The following SPATS2L variants were observed in gnomAD, a reference collection of about 807,000 sequenced individuals.
SPATS2L encodes the protein SPATS2-like protein.
Under a neutral mutation model 59.6 loss-of-function variants are expected in SPATS2L, and 30 were observed. The observed-to-expected ratio is 0.50, with a 90% CI of 0.38 to 0.68. SPATS2L has a LOEUF of 0.68. Among genes scored for constraint, SPATS2L ranks in the 30% least tolerant of loss-of-function variants. SPATS2L has a pLI of 0.00. For missense variants in SPATS2L, 615 were observed against 700.0 expected, an observed-to-expected ratio of 0.88 and a Z score of 1.37; for synonymous variants, 252 against 263.5, an observed-to-expected ratio of 0.96 and a Z score of 0.42.
chr2:200,368,792 G>C (rs2081337732), intron 2 of SPATS2L, among the ~76,000 whole-genome samples: 1 of 152,146 alleles, frequency 6.6e-6, no homozygotes. Context: ...GAGATGAGAA[G>C]CCCATCTCTA....
intron 2 of SPATS2L, among the ~76,000 whole-genome samples, chr2:200,347,615 T>G (rs895102258): frequency 1.3e-5 from 2 of 152,176 alleles, no homozygotes; most frequent in Non-Finnish European, 2.9e-5. Context: ...CCTGGTCATA[T>G]AACAACCCCA....
At chr2:200,405,191 C>T (rs183061660) in intron 3 of SPATS2L, among the ~76,000 whole-genome samples, 13 of 152,252 alleles carry the variant, frequency 8.5e-5, no homozygotes, top group Admixed American at 2.6e-4. Flanking sequence ...CAGGACCCAC[C>T]CCAAGCCTCT....
Position 200,306,786 on chromosome 2 carries a change from G to A in SPATS2L, c.-209G>A, listed in dbSNP as rs959953472. On this transcript the variant is annotated 5_prime_UTR_variant, in exon 1 of 13. Transcript: ENST00000409140. The stretch of plus-strand genomic sequence containing the variant: ...GCGCGGGGCGAGCTCCGGACGGCGC[G>A]CGGCCCAGGCAGCGGCTCCCGCTCG... 3.0e-5 allele frequency: 29 copies of A among 981,294 alleles called. No homozygotes were observed. Among genetic ancestry groups the A allele is most frequent in the Non-Finnish European group, 3.5e-5 (29 of 828,134 alleles). The allele number at this position is 981,294 out of a possible 1,614,324, so 60.8% of individuals were successfully genotyped here.
At chr2:200,311,019 G>A (rs764505823) in intron 1 of SPATS2L, among the ~76,000 whole-genome samples, 1 of 152,190 alleles carries the variant, frequency 6.6e-6, no homozygotes, top group African/African-American at 2.4e-5. Flanking sequence ...AGGCACTGAT[G>A]TGCCTTTTAT....
At chr2:200,475,465 G>A (rs1313531868) in intron 12 of SPATS2L, among the ~76,000 whole-genome samples, 1 of 152,184 alleles carries the variant, frequency 6.6e-6, no homozygotes, top group Non-Finnish European at 1.5e-5. Context: ...AACTGGGAGC[G>A]AGGAGGGGGC....
chr2:200,400,517 A>C (rs2082492381), intron 3 of SPATS2L, among the ~76,000 whole-genome samples: 2 of 152,240 alleles, frequency 1.3e-5, no homozygotes, highest in African/African-American at 4.8e-5. Flanking sequence ...TATATATTTA[A>C]ACTTCCCAGT....
rs11324274 is a variant in SPATS2L at position 200,412,605 on chromosome 2, C to CAAA, written c.148+201_148+203dup. Among the ~76,000 whole-genome samples the CAAA allele has an allele frequency of 9.4e-3, 1,183 of 126,242 alleles. 15 individuals are homozygous for CAAA. The highest frequency in any genetic ancestry group is 0.015 in the Non-Finnish European group (902 of 60,470). 82.8% of individuals were successfully genotyped at this position (126,242 alleles called of 152,430 possible). A position where few individuals can be genotyped will look rare whatever the true frequency, so the allele number is the denominator to read the frequency against. On this transcript the variant is annotated intron_variant, in intron 4 of 12. Transcript: ENST00000409140. Reference sequence around the variant, plus strand: ...TAGGTGACAGAGTGAGACCCCATCTCAAAAAAAAAAAAAAAAATAGACACA... The same window carrying CAAA: ...TAGGTGACAGAGTGAGACCCCATCTCAAAAAAAAAAAAAAAAAAAATAGACACA...
At chr2:200,371,741 G>C (rs1377551372) in intron 2 of SPATS2L, among the ~76,000 whole-genome samples, 1 of 152,198 alleles carries the variant, frequency 6.6e-6, no homozygotes, top group African/African-American at 2.4e-5. Context: ...AGAGTAAACA[G>C]TTACTGGATG....
chr2:200,363,255 T>C (rs889096634), intron 2 of SPATS2L, among the ~76,000 whole-genome samples: 2 of 151,702 alleles, frequency 1.3e-5, no homozygotes, highest in African/African-American at 4.8e-5. Context: ...ACTTCAGCAA[T>C]ATCCTCGCTA....
chr2:200,467,522 A>C, intron 10 of SPATS2L, 123 bp downstream of exon 10: 1 of 678,058 alleles, frequency 1.5e-6, no homozygotes, highest in Non-Finnish European at 2.6e-6. Flanking sequence ...TCTCTTCCAC[A>C]GGGTGGAAAT....
intron 2 of SPATS2L, chr2:200,351,219 G>A (rs1343998869): frequency 2.1e-6 from 1 of 470,916 alleles, no homozygotes. Context: ...TTGCTGGGAG[G>A]GAGTGCCAAA....
intron 2 of SPATS2L, chr2:200,384,074 A>G: frequency 1.1e-6 from 1 of 879,414 alleles, no homozygotes; most frequent in Non-Finnish European, 1.4e-6. Context: ...AAACATAAAT[A>G]TATATTTTTA....
In SPATS2L at chr2:200,308,887, G is replaced by A; in HGVS notation, c.-73+1965G>A. ...TCCTTTTGTATTCATTTTGTTTTAG[G>A]GAGCCCCCTAATGAAAGTCTTCAGT... On this transcript the variant is annotated intron_variant, in intron 1 of 12. Transcript: ENST00000409140. 3 of 593,278 alleles carry A rather than the reference G, an allele frequency of 5.1e-6. No homozygotes were observed. The Middle Eastern group carries it at 8.1e-4, about 161-fold the overall frequency. The allele number at this position is 593,278 out of a possible 1,614,324, so 36.8% of individuals were successfully genotyped here. A position where few individuals can be genotyped will look rare whatever the true frequency, so the allele number is the denominator to read the frequency against.
Position 200,355,488 on chromosome 2 carries a change from A to G in SPATS2L, c.-23+26008A>G, listed in dbSNP as rs993841659. ...TGAATTGGGTCAAGCTATAGCAACC[A>G]CACACACAAACACACAAATCTCATA... On this transcript the variant is annotated intron_variant, in intron 2 of 12. Transcript: ENST00000409140. 4.4e-4 allele frequency among the ~76,000 whole-genome samples: 67 copies of G among 152,236 alleles called. 1 individual carries two copies. The highest frequency in any genetic ancestry group is 4.8e-5 in the African/African-American group (2 of 41,464).
rs528664677 is a variant in SPATS2L, at chr2:200,415,863, T to G, written c.149-516T>G. On this transcript the variant is annotated intron_variant, in intron 4 of 12. Transcript: ENST00000409140. The stretch of plus-strand genomic sequence containing the variant: ...ACATCCCATCTCTATCCATGCTAAC[T>G]CTAGAGAAACTAATATCATTGTAAT... Among the ~76,000 whole-genome samples the G allele has an allele frequency of 1.1e-4, 16 of 152,094 alleles. 1 individual carries two copies. In the East Asian group the frequency reaches 2.5e-3, roughly 24 times the overall value.
chr2:200,432,887 A>T (rs1376249396), intron 6 of SPATS2L, among the ~76,000 whole-genome samples: 1 of 152,172 alleles, frequency 6.6e-6, no homozygotes, highest in African/African-American at 2.4e-5. Context: ...CAACTGAAGA[A>T]CAGAGAGAAA....
chr2:200,372,447 A>G (rs1238917843), intron 2 of SPATS2L, among the ~76,000 whole-genome samples: 1 of 152,144 alleles, frequency 6.6e-6, no homozygotes, highest in Admixed American at 6.5e-5. Context: ...AATGTGGCCC[A>G]GGAAAGGGTA....
In SPATS2L at chr2:200,374,256, A is replaced by G. The variant is rs3769457; in HGVS notation, c.-22-14967A>G. On this transcript the variant is annotated intron_variant, in intron 2 of 12. Transcript: ENST00000409140. ...AGGTAGGTTTTATTTCTGGCTTTAC[A>G]CATTAGTCACTGTTTCTGCAAGCGA... Among the ~76,000 whole-genome samples, 20 of 152,278 alleles carry G rather than the reference A, an allele frequency of 1.3e-4. No homozygotes were observed. In the East Asian group the frequency reaches 3.7e-3, roughly 28 times the overall value.
intron 6 of SPATS2L, 115 bp downstream of exon 6, chr2:200,419,611 G>A (rs2083224601): frequency 8.2e-7 from 1 of 1,220,134 alleles, no homozygotes; most frequent in Admixed American, 2.3e-5. Flanking sequence ...TTTCTGCAGT[G>A]TGTACGATTC....
Sources: gnomAD v4.1 joint callset for allele counts (sites outside exome capture counted in the v4.1 genomes callset) on GRCh38, gnomAD v4.1.1 for gene constraint, MANE v1.5 for transcripts, NCBI Gene and HGNC (gene_info 2026-07-23, HGNC 2026-07-21) for gene names.